The following PAK3 variants were observed in gnomAD, a reference collection of about 807,000 sequenced individuals.
PAK3 encodes serine/threonine-protein kinase PAK 3.
A neutral mutation model predicts 41.0 loss-of-function variants in PAK3; 4 were observed. The ratio of observed to expected loss-of-function variants is 0.10; its 90% CI spans 0.05 to 0.22. The LOEUF (loss-of-function observed/expected upper bound fraction) is 0.22. Ranked by LOEUF, PAK3 falls within the 10% of genes least tolerant of loss-of-function variation. The pLI, the probability that PAK3 is intolerant of heterozygous loss-of-function variation, is 1.00. For missense variants in PAK3, 205 were observed against 409.9 expected, an observed-to-expected ratio of 0.50 and a Z score of 4.32; for synonymous variants, 146 against 139.6, an observed-to-expected ratio of 1.05 and a Z score of -0.32.
At chrX:111,114,332 A>G (rs981943177) in intron 4 of PAK3, among the ~76,000 whole-genome samples, 1 of 112,088 alleles carries the variant, frequency 8.9e-6, no homozygotes, top group Non-Finnish European at 1.9e-5. Context: ...TGCCTAGCAC[A>G]TAGGCACTGG....
chrX:111,172,452 A>G (rs1330678551), intron 10 of PAK3, among the ~76,000 whole-genome samples: 2 of 111,531 alleles, frequency 1.8e-5, no homozygotes, highest in African/African-American at 6.5e-5. Flanking sequence ...GCCTTCACCT[A>G]GGCAGTGAGC....
At chrX:111,056,699 A>G (rs370637589) in intron 1 of PAK3, among the ~76,000 whole-genome samples, 1 of 112,329 alleles carries the variant, frequency 8.9e-6, no homozygotes, top group East Asian at 2.8e-4. Flanking sequence ...TAGTTCATTT[A>G]CATAAATTGC....
chrX:111,219,034 A>G (rs2094904885), intron 17 of PAK3, among the ~76,000 whole-genome samples: 1 of 108,559 alleles, frequency 9.2e-6, no homozygotes, highest in African/African-American at 3.3e-5. Flanking sequence ...TACTAAAAAT[A>G]CAAAAATTAG....
chrX:111,072,192 C>G (rs963946966), intron 1 of PAK3, among the ~76,000 whole-genome samples: 1 of 112,617 alleles, frequency 8.9e-6, no homozygotes, highest in African/African-American at 3.2e-5. Flanking sequence ...GTCTGAATAT[C>G]AGTTTTCATA....
intron 17 of PAK3, among the ~76,000 whole-genome samples, chrX:111,219,232 T>G (rs1050992253): frequency 3.3e-4 from 34 of 103,383 alleles, no homozygotes; most frequent in African/African-American, 1.0e-3. Flanking sequence ...ATAATAATAA[T>G]AATAAGCAAG....
At chrX:111,013,091 G>A (rs772703439) in intron 1 of PAK3, among the ~76,000 whole-genome samples, 1 of 112,538 alleles carries the variant, frequency 8.9e-6, no homozygotes, top group Admixed American at 9.4e-5. Flanking sequence ...TTCATATGTG[G>A]TTTGATTTAT....
intron 1 of PAK3, among the ~76,000 whole-genome samples, chrX:110,993,390 G>A (rs2148673247): frequency 9.0e-6 from 1 of 111,172 alleles, no homozygotes; most frequent in South Asian, 3.9e-4. Context: ...TTTTAGCCCA[G>A]TATTCCAACC....
chrX:110,978,084 A>T (rs2091372883), intron 1 of PAK3, among the ~76,000 whole-genome samples: 1 of 111,853 alleles, frequency 8.9e-6, no homozygotes, highest in South Asian at 3.7e-4. Flanking sequence ...TGAGTGCTTT[A>T]TCATAAAAGG....
chrX:110,971,287 G>A (rs922087894), intron 1 of PAK3, among the ~76,000 whole-genome samples: 2 of 112,022 alleles, frequency 1.8e-5, no homozygotes, highest in African/African-American at 6.5e-5. Flanking sequence ...TCTCCAGTTG[G>A]TCTCTATAGA....
chrX:111,026,588 A>T (rs2092273090), intron 1 of PAK3, among the ~76,000 whole-genome samples: 1 of 111,672 alleles, frequency 9.0e-6, no homozygotes, highest in African/African-American at 3.3e-5. Context: ...AATATTTAGG[A>T]ATATACCTAA....
intron 5 of PAK3, among the ~76,000 whole-genome samples, chrX:111,126,738 A>G (rs191987601): frequency 8.9e-6 from 1 of 112,020 alleles, no homozygotes; most frequent in African/African-American, 3.2e-5. Flanking sequence ...ATATCATTAT[A>G]TTTGTAGCAT....
chrX:110,949,207 G>A (rs1396218617), intron 1 of PAK3, among the ~76,000 whole-genome samples: 1 of 111,433 alleles, frequency 9.0e-6, no homozygotes, highest in Non-Finnish European at 1.9e-5. Context: ...AGCAGTGTGG[G>A]CTCTCACATT....
At chrX:111,054,075 A>G (rs918243396) in intron 1 of PAK3, among the ~76,000 whole-genome samples, 2 of 111,629 alleles carry the variant, frequency 1.8e-5, no homozygotes, top group Non-Finnish European at 3.8e-5. Context: ...GGACTCTCCA[A>G]TACAACGAAG....
At chrX:111,078,907 A>T (rs2092809707) in intron 1 of PAK3, among the ~76,000 whole-genome samples, 1 of 112,192 alleles carries the variant, frequency 8.9e-6, no homozygotes, top group South Asian at 3.7e-4. Flanking sequence ...TGAGTGGTCT[A>T]GGTAAAATGT....
rs145935928 is a variant in PAK3 at position 110,972,079 on chromosome X, C to T, written c.-28+27451C>T. On this transcript the variant is annotated intron_variant, in intron 1 of 14. Transcript: ENST00000425146. Reference sequence around the variant, plus strand: ...GTGTATATATACACACATATATATACACACACACACATATATATACATATC... The same window carrying T: ...GTGTATATATACACACATATATATATACACACACACATATATATACATATC... 8.1e-3 allele frequency among the ~76,000 whole-genome samples: 895 copies of T among 110,822 alleles called. 8 individuals are homozygous for T. The highest frequency in any genetic ancestry group is 0.027 in the African/African-American group (807 of 30,429).
chrX:111,019,349 G>A (rs1243566082), intron 1 of PAK3, among the ~76,000 whole-genome samples: 1 of 109,778 alleles, frequency 9.1e-6, no homozygotes, highest in African/African-American at 3.3e-5. Context: ...TCTGGTAAGG[G>A]ATTGATATCC....
Position 111,007,386 on chromosome X carries a change from A to G in PAK3, c.-28+62758A>G, listed in dbSNP as rs2091948511. ...AGGTATGAATGGTCTCTTCAAAAGC[A>G]AGTTTATGATACAAGTCCCAGGAGA... On this transcript the variant is annotated intron_variant, in intron 1 of 14. Transcript: ENST00000425146. 2.7e-5 allele frequency among the ~76,000 whole-genome samples: 3 copies of G among 111,755 alleles called. 1 individual carries two copies. In the South Asian group the frequency reaches 1.1e-3, roughly 42 times the overall value.
intron 7 of PAK3, among the ~76,000 whole-genome samples, chrX:111,150,914 G>T (rs1055181015): frequency 9.0e-6 from 1 of 111,572 alleles, no homozygotes; most frequent in East Asian, 2.8e-4. Context: ...TTACCTCTTC[G>T]CACTGGATTT....
intron 16 of PAK3, among the ~76,000 whole-genome samples, chrX:111,206,878 C>T (rs1348118077): frequency 1.8e-5 from 2 of 111,452 alleles, no homozygotes; most frequent in Non-Finnish European, 3.8e-5. Context: ...CAGCAATATA[C>T]TCTGGCTTTT....
Sources: gnomAD v4.1 joint callset for allele counts (sites outside exome capture counted in the v4.1 genomes callset) on GRCh38, gnomAD v4.1.1 for gene constraint, MANE v1.5 for transcripts, NCBI Gene and HGNC (gene_info 2026-07-23, HGNC 2026-07-21) for gene names.